MEGF10: variants seen among roughly 807,000 people sequenced by gnomAD.
The protein encoded by MEGF10 is multiple epidermal growth factor-like domains protein 10.
A neutral mutation model predicts 147.5 loss-of-function variants in MEGF10; 86 were observed. The observed-to-expected ratio is 0.58, with a 90% confidence interval of 0.49 to 0.70. The LOEUF (loss-of-function observed/expected upper bound fraction) is 0.70. MEGF10 is among the 30% of genes least tolerant of loss of function. The pLI is 0.00. For missense variants in MEGF10, 1,329 were observed against 1,487.3 expected (o/e 0.89, Z 1.75); for synonymous variants, 478 against 525.5 (o/e 0.91, Z 1.24).
intron 1 of MEGF10, among the ~76,000 whole-genome samples, chr5:127,322,749 G>A (rs1399939772): frequency 6.6e-6 from 1 of 152,108 alleles, no homozygotes; most frequent in Non-Finnish European, 1.5e-5. Flanking sequence ...ATTTGAATTA[G>A]GTCTATGGAT....
the MEGF10 span, among the ~76,000 whole-genome samples, chr5:127,254,824 G>T: frequency 6.6e-6 from 1 of 150,676 alleles, no homozygotes; most frequent in Non-Finnish European, 1.5e-5. Flanking sequence ...AAAAAAAAAA[G>T]TTGCTTTGTT....
chr5:127,424,311 T>C, intron 13 of MEGF10: 1 of 703,488 alleles, frequency 1.4e-6, no homozygotes, highest in Non-Finnish European at 2.6e-6. Flanking sequence ...GAAATTGAAA[T>C]CCTTTTAAAT....
At chr5:127,343,533 A>G (rs1761763558) in intron 4 of MEGF10, among the ~76,000 whole-genome samples, 1 of 152,108 alleles carries the variant, frequency 6.6e-6, no homozygotes, top group African/African-American at 2.4e-5. Context: ...AGTGTTAGTG[A>G]CATGTCCTTT....
chr5:127,328,646 C>G (rs1171167950), intron 1 of MEGF10, among the ~76,000 whole-genome samples: 1 of 152,116 alleles, frequency 6.6e-6, no homozygotes, highest in Non-Finnish European at 1.5e-5. Flanking sequence ...TGGCTTGGGA[C>G]AATTTCTAAC....
intron 4 of MEGF10, among the ~76,000 whole-genome samples, chr5:127,364,407 C>A (rs1459628329): frequency 1.2e-4 from 19 of 152,132 alleles, no homozygotes; most frequent in Admixed American, 1.2e-3. Flanking sequence ...CTCTTATTAT[C>A]CCTGGATTCT....
the MEGF10 span, among the ~76,000 whole-genome samples, chr5:127,283,480 C>T: frequency 2.0e-5 from 3 of 152,182 alleles, no homozygotes; most frequent in Admixed American, 6.5e-5. Context: ...TCTATGTTTA[C>T]AAGAATATCC....
chr5:127,317,650 A>G (rs147883627), intron 1 of MEGF10, among the ~76,000 whole-genome samples: 2,165 of 152,278 alleles, frequency 0.014, 55 homozygotes, highest in African/African-American at 0.049. Context: ...TATCACAAGG[A>G]CAGAAAACCA....
intron 1 of MEGF10, among the ~76,000 whole-genome samples, chr5:127,321,577 C>A (rs1760786782): frequency 6.6e-6 from 1 of 152,078 alleles, no homozygotes; most frequent in Non-Finnish European, 1.5e-5. Flanking sequence ...ATGGGGTTTT[C>A]TTTTGACCTT....
chr5:127,269,948 A>T, the MEGF10 span, among the ~76,000 whole-genome samples: 4 of 152,226 alleles, frequency 2.6e-5, no homozygotes, highest in Admixed American at 1.3e-4. Flanking sequence ...AAAGAAAAGA[A>T]TTTTCAACAC....
chr5:127,443,716 C>G (rs967795390), intron 19 of MEGF10, among the ~76,000 whole-genome samples: 1 of 152,142 alleles, frequency 6.6e-6, no homozygotes, highest in African/African-American at 2.4e-5. Context: ...GCTTTGTTTA[C>G]TCAGCATAAT....
intron 18 of MEGF10, 98 bp downstream of exon 18, chr5:127,440,965 G>A (rs1406983567): frequency 1.4e-5 from 20 of 1,467,288 alleles, no homozygotes; most frequent in African/African-American, 8.3e-5. Context: ...TCACCACTCC[G>A]AGGTTGTTTG....
At chr5:127,435,987 T>G (rs1765542129) in intron 16 of MEGF10, among the ~76,000 whole-genome samples, 1 of 152,146 alleles carries the variant, frequency 6.6e-6, no homozygotes, top group Non-Finnish European at 1.5e-5. Context: ...TGTGACCCTA[T>G]AAGGGACTAT....
At position 127,454,567 on chromosome 5, in the gene MEGF10, T is replaced by G. The variant is rs1286525799; in HGVS notation, c.2982T>G (p.Gly994=). The G allele has an allele frequency of 2.5e-6, 4 of 1,608,680 alleles. No individual in the cohort carries two copies. In the African/African-American group the frequency reaches 5.4e-5, roughly 22 times the overall value. The change falls in exon 23 of 25, where the codon GGT becomes GGG. Residue 994 remains glycine (G), a splice_region_variant and synonymous_variant. Coordinates refer to ENST00000503335, the MANE Select transcript of MEGF10 (RefSeq NM_001256545.2). ...GTTTTTTTTCTTCCTTTATTACAGG[T>G]GCTTTTGGACTTGACAGAAGCTATA... ...WKHGGYLNEL[G]AFGLDRSYMG... is the part of the protein sequence containing the mutation.
rs916202111 is a variant in MEGF10, at chr5:127,460,369, T to G, written c.*3051T>G. 2.0e-5 allele frequency: 3 copies of G among 152,224 alleles called. No homozygotes were observed. Among genetic ancestry groups the G allele is most frequent in the African/African-American group, 7.2e-5 (3 of 41,462 alleles). The allele number at this position is 152,224 out of a possible 1,614,324, so 9.4% of individuals were successfully genotyped here. A position where few individuals can be genotyped will look rare whatever the true frequency, so the allele number is the denominator to read the frequency against. On this transcript the variant is annotated 3_prime_UTR_variant, in exon 25 of 25. Coordinates refer to ENST00000503335, the MANE Select transcript of MEGF10 (RefSeq NM_001256545.2). ...ACATTTTACAATTATTTACAGTGTT[T>G]GACATTAATTGCTGTCCTATGATAC...
intron 22 of MEGF10, among the ~76,000 whole-genome samples, chr5:127,449,489 C>G (rs1417207146): frequency 1.3e-5 from 2 of 152,186 alleles, no homozygotes; most frequent in Admixed American, 6.5e-5. Flanking sequence ...CATTCTTGCT[C>G]TATGCCTGTT....
Position 127,420,099 on chromosome 5 carries a change from C to A in MEGF10, c.1482C>A (p.Gly494=). The A allele has an allele frequency of 6.2e-7, 1 of 1,614,206 alleles. No individual in the cohort carries two copies. Among genetic ancestry groups the A allele is most frequent in the Non-Finnish European group, 8.5e-7 (1 of 1,180,032 alleles). The change falls in exon 12 of 25, where the codon GGC becomes GGA. Residue 494 remains glycine, a synonymous_variant. Transcript: ENST00000503335. The stretch of plus-strand genomic sequence containing the variant: ...GTCCCAGTGGCACATGGGGCTTTGG[C>A]TGTAACTTAACATGCCAGTGCCTCA... ...IRCPSGTWGF[G]CNLTCQCLNG...
intron 16 of MEGF10, 38 bp from the exon 17 acceptor site, chr5:127,438,401 C>T (rs1765633865): frequency 6.2e-7 from 1 of 1,608,212 alleles, no homozygotes; most frequent in Non-Finnish European, 8.5e-7. Flanking sequence ...GTATTGGCCT[C>T]AGAACTCTGA....
At chr5:127,373,000 G>A (rs1475147041) in intron 5 of MEGF10, among the ~76,000 whole-genome samples, 3 of 152,168 alleles carry the variant, frequency 2.0e-5, no homozygotes, top group African/African-American at 4.8e-5. Context: ...GAATTTTTCT[G>A]TAAGGAAGAT....
chr5:127,290,359 A>AC (rs1759189379), upstream of MEGF10, among the ~76,000 whole-genome samples: 1 of 151,766 alleles, frequency 6.6e-6, no homozygotes, highest in South Asian at 2.1e-4. Flanking sequence ...ACCACTGAGG[A>AC]CCCGCCGTCC....
Sources: allele counts gnomAD v4.1 joint callset (sites outside exome capture counted in the v4.1 genomes callset), GRCh38; gene constraint gnomAD v4.1.1; transcripts MANE v1.5; gene names NCBI Gene and HGNC (gene_info 2026-07-23, HGNC 2026-07-21).